TAOK3: variants seen among roughly 807,000 people sequenced by gnomAD.
The protein encoded by TAOK3 is TAO kinase 3.
A neutral mutation model predicts 120.4 loss-of-function variants in TAOK3; 40 were observed. The observed-to-expected ratio is 0.33, with a 90% confidence interval of 0.26 to 0.43. TAOK3 has a LOEUF of 0.43. Among genes scored for constraint, TAOK3 ranks in the 20% least tolerant of loss-of-function variants. TAOK3 has a pLI of 1.00. For synonymous variants in TAOK3, 355 were observed against 387.5 expected, an observed-to-expected ratio of 0.92 and a Z score of 0.99; for missense variants, 821 against 1,112.1, an observed-to-expected ratio of 0.74 and a Z score of 3.72.
chr12:118,286,162 C>A (rs1259131126), intron 1 of TAOK3, among the ~76,000 whole-genome samples: 1 of 152,132 alleles, frequency 6.6e-6, no homozygotes, highest in African/African-American at 2.4e-5. Flanking sequence ...TCCTTTCACA[C>A]TCTTTATAAT....
At chr12:118,291,823 T>A (rs1040216947) in intron 1 of TAOK3, among the ~76,000 whole-genome samples, 18 of 150,842 alleles carry the variant, frequency 1.2e-4, no homozygotes, top group East Asian at 5.8e-4. Context: ...TGAAAAAAAA[T>A]TTTTTTTTTG....
At chr12:118,294,448 C>A (rs61946063) in intron 1 of TAOK3, among the ~76,000 whole-genome samples, 34,627 of 151,388 alleles carry the variant, frequency 0.23, 4,386 homozygotes, top group African/African-American at 0.34. Context: ...CAGTACTGCA[C>A]TCTCGGCTCA....
chr12:118,230,930 AG>A (rs1294832339), intron 9 of TAOK3, among the ~76,000 whole-genome samples: 1 of 152,224 alleles, frequency 6.6e-6, no homozygotes, highest in African/African-American at 2.4e-5. Flanking sequence ...AACCTAAAAA[AG>A]AAATTCATCA....
intron 7 of TAOK3, chr12:118,235,948 G>C (rs532838462): frequency 1.6e-4 from 46 of 291,132 alleles, no homozygotes; most frequent in African/African-American, 9.4e-4. Flanking sequence ...AGGCAGACAT[G>C]GCGAACAAGA....
At chr12:118,370,164 C>T (rs980273108) in intron 1 of TAOK3, among the ~76,000 whole-genome samples, 1 of 152,114 alleles carries the variant, frequency 6.6e-6, no homozygotes, top group African/African-American at 2.4e-5. Flanking sequence ...TGAGCCACCG[C>T]GCCTGGCCAT....
chr12:118,263,735 T>C (rs1225408378), intron 2 of TAOK3, among the ~76,000 whole-genome samples: 2 of 152,186 alleles, frequency 1.3e-5, no homozygotes, highest in Non-Finnish European at 2.9e-5. Context: ...AAAAGAAAGA[T>C]GCATACTATC....
intron 1 of TAOK3, among the ~76,000 whole-genome samples, chr12:118,365,344 C>T (rs539747766): frequency 6.6e-6 from 1 of 152,082 alleles, no homozygotes; most frequent in African/African-American, 2.4e-5. Context: ...GTGATCCTCC[C>T]ACCTTAGCCT....
chr12:118,225,232 G>A (rs1357216634), intron 9 of TAOK3, among the ~76,000 whole-genome samples: 1 of 125,306 alleles, frequency 8.0e-6, no homozygotes, highest in African/African-American at 3.0e-5. Flanking sequence ...TGGGTGACAA[G>A]TGCGAGACTG....
intron 11 of TAOK3, among the ~76,000 whole-genome samples, chr12:118,209,088 A>G (rs2038488078): frequency 6.6e-6 from 1 of 152,216 alleles, no homozygotes. Context: ...ACAGTTTGTA[A>G]TAGCAAAAGA....
chr12:118,155,370 T>C (rs1179123676), intron 19 of TAOK3, among the ~76,000 whole-genome samples: 1 of 152,234 alleles, frequency 6.6e-6, no homozygotes, highest in Non-Finnish European at 1.5e-5. Context: ...TGTGCTACAA[T>C]GGCAAAGCTG....
At chr12:118,236,831 A>T (rs910987132) in intron 7 of TAOK3, 1 of 152,224 alleles carries the variant, frequency 6.6e-6, no homozygotes, top group African/African-American at 2.4e-5. Context: ...TTTAAATTAA[A>T]AAAACATTAT....
intron 17 of TAOK3, among the ~76,000 whole-genome samples, chr12:118,162,706 C>A (rs1346048450): frequency 1.3e-5 from 2 of 152,072 alleles, no homozygotes; most frequent in African/African-American, 4.8e-5. Context: ...TCATCTTCTG[C>A]ATTACAGTCT....
At chr12:118,352,260 C>A (rs2045203619) in intron 1 of TAOK3, among the ~76,000 whole-genome samples, 1 of 151,882 alleles carries the variant, frequency 6.6e-6, no homozygotes, top group African/African-American at 2.4e-5. Flanking sequence ...AATAGCAGCA[C>A]TTTGGGAGGC....
chr12:118,199,486 C>G, intron 12 of TAOK3: 1 of 560,398 alleles, frequency 1.8e-6, no homozygotes, highest in Non-Finnish European at 3.2e-6. Flanking sequence ...GGTCATAAGG[C>G]TCCAAATGCT....
At chr12:118,367,914 G>T (rs4442583) in intron 1 of TAOK3, among the ~76,000 whole-genome samples, 24,936 of 151,996 alleles carry the variant, frequency 0.16, 2,135 homozygotes, top group East Asian at 0.26. Context: ...GCTACTGATA[G>T]CAACAAATAT....
intron 1 of TAOK3, among the ~76,000 whole-genome samples, chr12:118,310,621 T>C (rs2043225361): frequency 6.6e-6 from 1 of 152,208 alleles, no homozygotes; most frequent in African/African-American, 2.4e-5. Context: ...AGAGTTTTGC[T>C]TGGACAGATT....
intron 2 of TAOK3, among the ~76,000 whole-genome samples, chr12:118,258,814 A>G (rs1410802060): frequency 6.6e-6 from 1 of 152,068 alleles, no homozygotes; most frequent in Non-Finnish European, 1.5e-5. Flanking sequence ...ACCTTTTTGG[A>G]GACTATACGT....
chr12:118,307,965 T>C (rs1465189231), intron 1 of TAOK3, among the ~76,000 whole-genome samples: 1 of 121,174 alleles, frequency 8.3e-6, no homozygotes. Context: ...GTTTGACTAC[T>C]TTTTTTTTTT....
At chr12:118,152,552 A>C (rs1201670604) in intron 19 of TAOK3, 143 bp from the exon 20 acceptor site, 7 of 724,298 alleles carry the variant, frequency 9.7e-6, no homozygotes, top group Non-Finnish European at 1.6e-5. Context: ...CTCTGGGTAC[A>C]TTCAGAGTTG....
Sources: gnomAD v4.1 joint callset for allele counts (sites outside exome capture counted in the v4.1 genomes callset) on GRCh38, gnomAD v4.1.1 for gene constraint, MANE v1.5 for transcripts, NCBI Gene and HGNC (gene_info 2026-07-23, HGNC 2026-07-21) for gene names.